Variants in PRPF6 observed in about 807,000 individuals in gnomAD.
PRPF6 encodes the protein pre-mRNA-processing factor 6.
PRPF6 carries 42 observed loss-of-function variants against 118.3 expected under a neutral mutation model. The observed-to-expected ratio is 0.35, with a 90% CI of 0.28 to 0.46. The LOEUF (loss-of-function observed/expected upper bound fraction) is 0.46. PRPF6 is among the 20% of genes least tolerant of loss of function. The pLI, the probability that PRPF6 is intolerant of heterozygous loss-of-function variation, is 1.00. For synonymous variants in PRPF6, 481 were observed against 485.1 expected (o/e 0.99, Z 0.11); for missense variants, 662 against 1,255.7 (o/e 0.53, Z 7.15).
chr20:64,006,845 A>G (rs1304822588), intron 9 of PRPF6, among the ~76,000 whole-genome samples: 1 of 152,216 alleles, frequency 6.6e-6, no homozygotes, highest in African/African-American at 2.4e-5. Flanking sequence ...AGTGATGGGC[A>G]CATGGTAAGA....
intron 9 of PRPF6, among the ~76,000 whole-genome samples, chr20:64,008,303 G>C (rs1014414913): frequency 3.3e-5 from 5 of 152,174 alleles, no homozygotes; most frequent in Middle Eastern, 3.2e-3. Flanking sequence ...ATCAGGGTTT[G>C]CTCACTGCAG....
chr20:64,022,956 C>G (rs909974938), intron 13 of PRPF6, 78 bp downstream of exon 13: 3 of 1,599,822 alleles, frequency 1.9e-6, no homozygotes, highest in Non-Finnish European at 2.6e-6. Context: ...ATTTAAACCT[C>G]TCATGTCTGC....
chr20:63,983,179 TGAC>T lies in PRPF6; in HGVS notation c.210_212del (p.Asp70del). On this transcript the variant is annotated inframe_deletion, in exon 2 of 21. Transcript: ENST00000266079. ...TGAAGAAAAATCAGGCTGCTGACGA[TGAC>T]GACGAGGATCTAAATGACACCAATT... 6.2e-7 allele frequency: 1 copy of T among 1,614,220 alleles called. No homozygotes were observed. The highest frequency in any genetic ancestry group is 8.5e-7 in the Non-Finnish European group (1 of 1,180,040).
intron 9 of PRPF6, among the ~76,000 whole-genome samples, chr20:64,002,923 C>G (rs2059174438): frequency 6.6e-6 from 1 of 151,086 alleles, no homozygotes; most frequent in African/African-American, 2.4e-5. Flanking sequence ...GGATTACAGG[C>G]GTGAGCCACT....
chr20:64,010,055 G>C, intron 9 of PRPF6, 145 bp from the exon 10 acceptor site: 1 of 778,062 alleles, frequency 1.3e-6, no homozygotes, highest in South Asian at 1.4e-5. Context: ...CAGACCTGAA[G>C]GAAGCCACAT....
chr20:64,029,627 G>A lies in PRPF6; in HGVS notation c.2546+136G>A, dbSNP rs1601534416. On this transcript the variant is annotated intron_variant, in intron 19 of 20. Transcript: ENST00000266079. The surrounding 1 kb of genome is among the most constrained non-coding windows in gnomAD (Gnocchi z 4.8). ...GCTTCCCCGATCCTCGGCTGCCGTC[G>A]CTCCTGCTGTGGTCTGGGGCAGGCG... is the stretch of plus-strand genomic sequence containing the variant. 4 of 780,238 alleles carry A rather than the reference G, an allele frequency of 5.1e-6. No homozygotes were observed. Among genetic ancestry groups the A allele is most frequent in the East Asian group, 2.7e-5 (1 of 37,302 alleles). 48.3% of individuals were successfully genotyped at this position (780,238 alleles called of 1,614,324 possible).
intron 8 of PRPF6, among the ~76,000 whole-genome samples, chr20:64,000,669 A>G (rs1185878491): frequency 6.6e-6 from 1 of 151,656 alleles, no homozygotes; most frequent in Non-Finnish European, 1.5e-5. Flanking sequence ...CCCGGGTTCA[A>G]GCAATTCTCC....
chr20:64,030,234 A>G (rs1368903504), intron 19 of PRPF6, among the ~76,000 whole-genome samples: 1 of 152,092 alleles, frequency 6.6e-6, no homozygotes, highest in African/African-American at 2.4e-5. Flanking sequence ...CTGGGAAGTG[A>G]CCATGTGGGG....
intron 12 of PRPF6, among the ~76,000 whole-genome samples, chr20:64,017,936 C>T (rs1432600634): frequency 6.6e-6 from 1 of 152,242 alleles, no homozygotes; most frequent in Non-Finnish European, 1.5e-5. Flanking sequence ...GGGCATGGGG[C>T]TGACGCCTGT....
chr20:64,014,171 C>T (rs545584258), intron 11 of PRPF6, among the ~76,000 whole-genome samples: 7 of 152,090 alleles, frequency 4.6e-5, no homozygotes, highest in African/African-American at 1.7e-4. Context: ...AACTCCTGAG[C>T]TCAGATGATC....
rs547673256 is a variant in PRPF6, at chr20:64,010,249, G to A, written c.1236G>A (p.Glu412=). The change falls in exon 10 of 21, where the codon GAG becomes GAA. Residue 412 remains glutamate (E), a synonymous_variant. Coordinates refer to ENST00000266079, the MANE Select transcript of PRPF6 (RefSeq NM_012469.4). Reference sequence around the variant, plus strand: ...TTCGCTTGTGGAAAGCAGCCGTTGAGCTGGAAGAACCTGAAGATGCTAGAA... The same window carrying A: ...TTCGCTTGTGGAAAGCAGCCGTTGAACTGGAAGAACCTGAAGATGCTAGAA... The part of the protein sequence containing the change: ...NSVRLWKAAV[E]LEEPEDARIM... 56 of 1,614,210 alleles carry A rather than the reference G, an allele frequency of 3.5e-5. No homozygotes were observed. The South Asian group carries it at 4.8e-4, about 14-fold the overall frequency.
chr20:64,021,676 C>CTG (rs2059265604), intron 12 of PRPF6, among the ~76,000 whole-genome samples: 1 of 110,116 alleles, frequency 9.1e-6, no homozygotes, highest in Non-Finnish European at 1.8e-5. Context: ...AGCCCCGTGT[C>CTG]TGTGTGTGCG....
chr20:64,028,338 A>G lies in PRPF6; in HGVS notation c.2340-140A>G. On this transcript the variant is annotated intron_variant, in intron 17 of 20. Transcript: ENST00000266079. The surrounding 1 kb of genome is among the most constrained non-coding windows in gnomAD (Gnocchi z 6.5). Reference sequence around the variant, plus strand: ...CCCCAGCGCCTTGTTTCTGTGGTGGATGAGCTCTGCTGTGGAGGGAATGGA... The same window carrying G: ...CCCCAGCGCCTTGTTTCTGTGGTGGGTGAGCTCTGCTGTGGAGGGAATGGA... 1.2e-6 allele frequency: 1 copy of G among 857,034 alleles called. No individual in the cohort carries two copies. Among genetic ancestry groups the G allele is most frequent in the Non-Finnish European group, 1.9e-6 (1 of 529,560 alleles). The allele number at this position is 857,034 out of a possible 1,614,324, so 53.1% of individuals were successfully genotyped here.
At position 64,032,934 on chromosome 20, in the gene PRPF6, CAGA is replaced by C; in HGVS notation, c.2774_2776del (p.Lys925del). 8 of 1,613,436 alleles carry C rather than the reference CAGA, an allele frequency of 5.0e-6. No homozygotes were observed. Among genetic ancestry groups the C allele is most frequent in the South Asian group, 1.1e-5 (1 of 91,078 alleles). On this transcript the variant is annotated inframe_deletion, in exon 21 of 21. Coordinates refer to ENST00000266079, the MANE Select transcript of PRPF6 (RefSeq NM_012469.4). ...CGTGTCCAAGGACATCGCCAACTGGCAGAAGAAGATCGGGGACATCCTTAGGCT... is the reference window on the plus strand; with the variant it reads ...CGTGTCCAAGGACATCGCCAACTGGCAGAAGATCGGGGACATCCTTAGGCT...
intron 9 of PRPF6, among the ~76,000 whole-genome samples, chr20:64,008,486 G>C (rs1381553079): frequency 2.0e-5 from 3 of 152,118 alleles, no homozygotes; most frequent in African/African-American, 7.2e-5. Context: ...AGCTGCAGAG[G>C]CTGTCACTGC....
Position 63,991,903 on chromosome 20 carries a change from C to T in PRPF6, c.360-1504C>T, listed in dbSNP as rs536948133. Among the ~76,000 whole-genome samples, 4 of 152,238 alleles carry T rather than the reference C, an allele frequency of 2.6e-5. No individual in the cohort carries two copies. The South Asian group carries it at 6.2e-4, about 24-fold the overall frequency. ...ACCATATCCTCACATGTAGTCTCAA[C>T]ACCGAAGTGCAATTACATGGGTTAT... On this transcript the variant is annotated intron_variant, in intron 3 of 20. Coordinates refer to ENST00000266079, the MANE Select transcript of PRPF6 (RefSeq NM_012469.4).
At chr20:64,008,794 A>G (rs1469220368) in intron 9 of PRPF6, among the ~76,000 whole-genome samples, 1 of 152,168 alleles carries the variant, frequency 6.6e-6, no homozygotes, top group Non-Finnish European at 1.5e-5. Flanking sequence ...AAGGTGACTA[A>G]TGGTCTCTTG....
At chr20:64,000,999 C>CT (rs1176441004) in intron 8 of PRPF6, 78 bp from the exon 9 acceptor site, 4 of 1,513,536 alleles carry the variant, frequency 2.6e-6, no homozygotes, top group Non-Finnish European at 1.8e-6. Flanking sequence ...AGGATCTGCT[C>CT]TGGAGATCTG....
At chr20:64,003,834 A>G (rs920974602) in intron 9 of PRPF6, among the ~76,000 whole-genome samples, 19 of 151,978 alleles carry the variant, frequency 1.3e-4, no homozygotes, top group Non-Finnish European at 2.4e-4. Context: ...TCCTGACCTC[A>G]TGATCCACCC....
Sources: allele counts gnomAD v4.1 joint callset (sites outside exome capture counted in the v4.1 genomes callset), GRCh38; gene constraint gnomAD v4.1.1; non-coding constraint Gnocchi (gnomAD v3.1); transcripts MANE v1.5; gene names NCBI Gene and HGNC (gene_info 2026-07-23, HGNC 2026-07-21).